The following UBA2 variants were observed in gnomAD, a reference collection of about 807,000 sequenced individuals.
The protein encoded by UBA2 is ubiquitin like modifier activating enzyme 2, also known as SUMO-activating enzyme subunit 2.
A neutral mutation model predicts 77.2 loss-of-function variants in UBA2; 11 were observed. That is an observed-to-expected ratio of 0.14 (90% CI 0.09 to 0.24). The LOEUF (loss-of-function observed/expected upper bound fraction) is 0.24. UBA2 is among the 10% of genes least tolerant of loss of function. UBA2 has a pLI of 1.00. For synonymous variants in UBA2, 278 were observed against 276.7 expected (o/e 1.00, Z -0.05); for missense variants, 487 against 781.7 (o/e 0.62, Z 4.50).
intron 12 of UBA2, 136 bp downstream of exon 12, chr19:34,454,692 C>T (rs760416019): frequency 3.4e-4 from 171 of 508,742 alleles, no homozygotes; most frequent in Non-Finnish European, 5.1e-4. Flanking sequence ...TTTCTGGTTA[C>T]CAAGTGAGTG....
Position 34,469,693 on chromosome 19 carries a change from T to A in UBA2, c.*472T>A. 1 of 152,694 alleles carries A rather than the reference T, an allele frequency of 6.5e-6. No homozygotes were observed. The highest frequency in any genetic ancestry group is 1.9e-4 in the East Asian group (1 of 5,198). The allele number at this position is 152,694 out of a possible 1,614,324, so 9.5% of individuals were successfully genotyped here. A position where few individuals can be genotyped will look rare whatever the true frequency, so the allele number is the denominator to read the frequency against. ...CTATGCATTGAAACTTGTTTTTAAA[T>A]GTTAGATGGCACTATGTATATTAAT... On this transcript the variant is annotated 3_prime_UTR_variant, in exon 17 of 17. Coordinates refer to ENST00000246548, the MANE Select transcript of UBA2 (RefSeq NM_005499.3).
chr19:34,433,293 A>T (rs903729814), intron 3 of UBA2, 55 bp from the exon 4 acceptor site: 59 of 1,255,986 alleles, frequency 4.7e-5, no homozygotes, highest in Non-Finnish European at 6.6e-5. Context: ...TTATACTGCA[A>T]AGATCATGTG....
At chr19:34,447,780 C>T (rs1483732491) in intron 8 of UBA2, among the ~76,000 whole-genome samples, 1 of 152,194 alleles carries the variant, frequency 6.6e-6, no homozygotes, top group Non-Finnish European at 1.5e-5. Flanking sequence ...ATCTAAAGGA[C>T]TCATCTCCTG....
At chr19:34,439,408 T>C (rs183301282) in intron 6 of UBA2, among the ~76,000 whole-genome samples, 43 of 152,352 alleles carry the variant, frequency 2.8e-4, no homozygotes, top group Non-Finnish European at 1.3e-4. Context: ...TATACCAGAA[T>C]GTATTGAATG....
intron 14 of UBA2, among the ~76,000 whole-genome samples, chr19:34,461,797 A>T (rs1196504544): frequency 2.0e-5 from 3 of 151,828 alleles, no homozygotes; most frequent in Non-Finnish European, 4.4e-5. Context: ...AGCTGGATTG[A>T]GCATCGTCCA....
chr19:34,444,052 T>TG (rs1207683302), intron 7 of UBA2, 141 bp downstream of exon 7: 32 of 406,128 alleles, frequency 7.9e-5, no homozygotes, highest in East Asian at 7.3e-4. Context: ...TTGTTTTTTT[T>TG]TTTTTTTTTT....
chr19:34,437,405 T>A (rs947732127), intron 5 of UBA2, among the ~76,000 whole-genome samples: 1 of 149,212 alleles, frequency 6.7e-6, no homozygotes, highest in African/African-American at 2.5e-5. Context: ...AGGTAAGGAG[T>A]TCGAGACCAG....
chr19:34,435,084 A>G, intron 5 of UBA2, 116 bp downstream of exon 5: 1 of 736,360 alleles, frequency 1.4e-6, no homozygotes. Context: ...AAATGTAAGG[A>G]CTTTTATGCT....
At chr19:34,444,138 A>G (rs1429603376) in intron 7 of UBA2, among the ~76,000 whole-genome samples, 4 of 137,314 alleles carry the variant, frequency 2.9e-5, no homozygotes, top group Non-Finnish European at 6.1e-5. Flanking sequence ...GCTCACTGCA[A>G]CCTCCGCCTT....
rs1414668094 is a variant in UBA2, at chr19:34,457,298, C to T, written c.1246-1471C>T. Among the ~76,000 whole-genome samples, 6 of 147,402 alleles carry T rather than the reference C, an allele frequency of 4.1e-5. No individual in the cohort carries two copies. In the South Asian group the frequency reaches 1.1e-3, roughly 26 times the overall value. On this transcript the variant is annotated intron_variant, in intron 12 of 16. Transcript: ENST00000246548. ...AGGAGAATCACTTGAACCTGGGAGG[C>T]GGAAGTTGCATTAAGCCGAGATCGC...
In UBA2 at chr19:34,464,131, G is replaced by C; in HGVS notation, c.1604G>C (p.Ser535Thr). 1.3e-6 allele frequency: 2 copies of C among 1,564,632 alleles called. No individual in the cohort carries two copies. Among genetic ancestry groups the C allele is most frequent in the Non-Finnish European group, 1.8e-6 (2 of 1,135,864 alleles). The change falls in exon 15 of 17, where the codon AGT (serine) becomes ACT (threonine). Residue 535 changes from serine (S) to threonine (T), a missense_variant and splice_region_variant. Ser to Thr is a moderately conservative substitution (Grantham distance 58). Transcript: ENST00000246548. ...DYTLLINILH[S>T]EDLGKDVEFE... Reference sequence around the variant, plus strand: ...ACTTTATTGATCAACATCCTTCATAGGTAAGAGCTATTAGTATTTTAATTG... The same window carrying C: ...ACTTTATTGATCAACATCCTTCATACGTAAGAGCTATTAGTATTTTAATTG...
chr19:34,456,100 C>CTTTTCTTTTTTTTTTT (rs2075557152), intron 12 of UBA2, among the ~76,000 whole-genome samples: 5 of 55,782 alleles, frequency 9.0e-5, no homozygotes, highest in African/African-American at 2.9e-4. Context: ...TTTTCCTTTT[C>CTTTTCTTTTTTTTTTT]TTTTTCTTTT....
chr19:34,445,908 T>C (rs963351820), intron 8 of UBA2, among the ~76,000 whole-genome samples: 2 of 152,218 alleles, frequency 1.3e-5, no homozygotes, highest in African/African-American at 4.8e-5. Flanking sequence ...TGAAATTGTT[T>C]TTATTGGGTC....
At chr19:34,431,645 G>T (rs2075256907) in intron 2 of UBA2, among the ~76,000 whole-genome samples, 1 of 151,910 alleles carries the variant, frequency 6.6e-6, no homozygotes, top group Admixed American at 6.6e-5. Flanking sequence ...GTGGTACGTG[G>T]GTCAGGGGGG....
At chr19:34,463,314 G>C (rs2075652322) in intron 14 of UBA2, among the ~76,000 whole-genome samples, 1 of 152,152 alleles carries the variant, frequency 6.6e-6, no homozygotes, top group Admixed American at 6.6e-5. Flanking sequence ...CGGTAGTTAA[G>C]TGTTTTAAGA....
At position 34,469,283 on chromosome 19, in the gene UBA2, T is replaced by G; in HGVS notation, c.*62T>G. On this transcript the variant is annotated 3_prime_UTR_variant, in exon 17 of 17. Transcript: ENST00000246548. ...AGTTTATCTGGGCAGAACCAGATTG[T>G]TATGTCCTTTGTTCCAAAGGGAAAA... is the stretch of plus-strand genomic sequence containing the variant. The G allele has an allele frequency of 7.1e-7, 1 of 1,409,598 alleles. No homozygotes were observed. The highest frequency in any genetic ancestry group is 1.7e-5 in the South Asian group (1 of 58,348). The allele number at this position is 1,409,598 out of a possible 1,614,324, so 87.3% of individuals were successfully genotyped here.
chr19:34,434,993 A>T (rs761370223), intron 5 of UBA2, 25 bp downstream of exon 5: 5 of 1,482,084 alleles, frequency 3.4e-6, no homozygotes, highest in Non-Finnish European at 4.6e-6. Context: ...TATTTTTTTA[A>T]CTTCCCAAAT....
At chr19:34,449,280 G>A (rs187560154) in intron 8 of UBA2, among the ~76,000 whole-genome samples, 73 of 152,194 alleles carry the variant, frequency 4.8e-4, no homozygotes, top group African/African-American at 1.7e-3. Context: ...ATGTTGGCCA[G>A]GATGGTCTCG....
In UBA2 at chr19:34,443,923, A is replaced by T. The variant is rs1255992716; in HGVS notation, c.649+12A>T. 1 of 1,577,842 alleles carries T rather than the reference A, an allele frequency of 6.3e-7. No homozygotes were observed. The highest frequency in any genetic ancestry group is 1.7e-5 in the Admixed American group (1 of 59,612). On this transcript the variant is annotated intron_variant, in intron 7 of 16. Transcript: ENST00000246548. ...CCCTGAAGCTGCCTGTGAGTAAATTATTTGGCATATGTTTTATCAGATACT... is the reference window on the plus strand; with the variant it reads ...CCCTGAAGCTGCCTGTGAGTAAATTTTTTGGCATATGTTTTATCAGATACT...
Sources: allele counts gnomAD v4.1 joint callset (sites outside exome capture counted in the v4.1 genomes callset), GRCh38; gene constraint gnomAD v4.1.1; transcripts MANE v1.5; gene names NCBI Gene and HGNC (gene_info 2026-07-23, HGNC 2026-07-21).